RBFOX1: variants seen among roughly 807,000 people sequenced by gnomAD.
RBFOX1 encodes RNA binding fox-1 homolog 1, also known as RNA binding protein fox-1 homolog 1.
RBFOX1 carries 8 observed loss-of-function variants against 57.7 expected under a neutral mutation model. The observed-to-expected ratio is 0.14, with a 90% CI of 0.08 to 0.25. The LOEUF (loss-of-function observed/expected upper bound fraction) is 0.25, where lower values mean the gene tolerates loss of function less well. Ranked by LOEUF, RBFOX1 falls within the 10% of genes least tolerant of loss-of-function variation. The pLI is 1.00. For synonymous variants in RBFOX1, 326 were observed against 222.4 expected (o/e 1.47, Z -4.15); for missense variants, 611 against 548.5 (o/e 1.11, Z -1.14).
intron 3 of RBFOX1, among the ~76,000 whole-genome samples, chr16:5,724,025 C>T (rs1596974207): frequency 3.6e-5 from 2 of 55,052 alleles, no homozygotes; most frequent in African/African-American, 3.3e-4. Flanking sequence ...TGTTAGCAAA[C>T]CATTTGTGTG....
At chr16:6,857,076 C>T (rs1457356587) in intron 3 of RBFOX1, among the ~76,000 whole-genome samples, 2 of 151,580 alleles carry the variant, frequency 1.3e-5, no homozygotes. Context: ...GGTTGTCTTT[C>T]TTATTTGTTG....
chr16:5,769,301 T>A (rs2053896739), intron 3 of RBFOX1, among the ~76,000 whole-genome samples: 1 of 151,900 alleles, frequency 6.6e-6, no homozygotes, highest in Non-Finnish European at 1.5e-5. Context: ...AAAAATCAGG[T>A]CATTAGGGTG....
intron 3 of RBFOX1, among the ~76,000 whole-genome samples, chr16:5,712,730 A>C (rs2051539337): frequency 6.6e-6 from 1 of 152,238 alleles, no homozygotes; most frequent in African/African-American, 2.4e-5. Context: ...AACCCAGTTC[A>C]TCCAGCTGCA....
At chr16:6,538,490 T>C (rs1038615268) in intron 2 of RBFOX1, among the ~76,000 whole-genome samples, 6 of 151,990 alleles carry the variant, frequency 3.9e-5, no homozygotes, top group African/African-American at 1.5e-4. Context: ...AATCTGTATC[T>C]CAAAACAAAA....
chr16:6,208,966 T>G (rs565448813), intron 1 of RBFOX1, among the ~76,000 whole-genome samples: 1 of 152,304 alleles, frequency 6.6e-6, no homozygotes, highest in African/African-American at 2.4e-5. Context: ...ATTTTTTTTT[T>G]GTGACCCAAC....
intron 3 of RBFOX1, among the ~76,000 whole-genome samples, chr16:6,954,960 G>T (rs2081458307): frequency 6.6e-6 from 1 of 151,956 alleles, no homozygotes; most frequent in South Asian, 2.1e-4. Flanking sequence ...GCTGGGTGTG[G>T]TGGCTCGTGC....
chr16:5,571,834 G>C (rs546345856), intron 2 of RBFOX1, among the ~76,000 whole-genome samples: 1 of 152,272 alleles, frequency 6.6e-6, no homozygotes, highest in East Asian at 1.9e-4. Context: ...ATAGTCTTTT[G>C]TCTTTGTCTT....
At chr16:6,501,025 G>A (rs1022432748) in intron 2 of RBFOX1, among the ~76,000 whole-genome samples, 6 of 151,556 alleles carry the variant, frequency 4.0e-5, no homozygotes, top group Non-Finnish European at 8.8e-5. Context: ...ACTTCAGCAG[G>A]GTAGGATGGT....
At chr16:6,824,982 G>GTTTT (rs2091912007) in intron 3 of RBFOX1, among the ~76,000 whole-genome samples, 1 of 38,384 alleles carries the variant, frequency 2.6e-5, no homozygotes, top group Non-Finnish European at 6.5e-5. Context: ...TTTCTTTCTT[G>GTTTT]GTTTTTTTTT....
At chr16:6,194,785 A>G (rs553636956) in intron 1 of RBFOX1, among the ~76,000 whole-genome samples, 2 of 152,146 alleles carry the variant, frequency 1.3e-5, no homozygotes, top group African/African-American at 2.4e-5. Flanking sequence ...TCCATTTTCA[A>G]CTTTACGTTT....
chr16:7,271,325 C>T, intron 4 of RBFOX1, among the ~76,000 whole-genome samples: 1 of 151,834 alleles, frequency 6.6e-6, no homozygotes, highest in East Asian at 1.9e-4. Context: ...GCCTGGGTTG[C>T]AACAACTGGA....
At chr16:6,351,494 C>G in intron 2 of RBFOX1, among the ~76,000 whole-genome samples, 1 of 151,394 alleles carries the variant, frequency 6.6e-6, no homozygotes, top group East Asian at 2.0e-4. Flanking sequence ...TTGCCTCAGC[C>G]TCCCAAGCAG....
intron 4 of RBFOX1, chr16:7,431,243 GAGT>G (rs2098676710): frequency 6.6e-6 from 1 of 152,082 alleles, no homozygotes. Flanking sequence ...TTGTTATTTT[GAGT>G]AGGACTCTCA....
intron 4 of RBFOX1, among the ~76,000 whole-genome samples, chr16:7,253,904 C>G (rs1227754619): frequency 6.6e-6 from 1 of 152,164 alleles, no homozygotes; most frequent in Non-Finnish European, 1.5e-5. Flanking sequence ...TTACCTGAAT[C>G]TGAAGAGTCT....
chr16:6,077,244 C>T (rs1009049703), intron 1 of RBFOX1, among the ~76,000 whole-genome samples: 32 of 152,242 alleles, frequency 2.1e-4, no homozygotes, highest in African/African-American at 7.7e-4. Context: ...GATGGGCAGA[C>T]ACCATGGCAT....
chr16:7,645,119 A>C (rs1399722125), intron 11 of RBFOX1, among the ~76,000 whole-genome samples: 2 of 152,090 alleles, frequency 1.3e-5, no homozygotes, highest in Non-Finnish European at 2.9e-5. Context: ...AAAAATGTGC[A>C]TTTCTCTCCA....
intron 1 of RBFOX1, among the ~76,000 whole-genome samples, chr16:6,041,554 C>T (rs1157425365): frequency 6.6e-6 from 1 of 152,096 alleles, no homozygotes; most frequent in South Asian, 2.1e-4. Flanking sequence ...GATGAGGAAA[C>T]TCCTCATCCG....
intron 4 of RBFOX1, among the ~76,000 whole-genome samples, chr16:7,490,534 C>T (rs751012968): frequency 2.0e-5 from 3 of 152,202 alleles, no homozygotes; most frequent in African/African-American, 7.2e-5. Context: ...CCTTTACTCC[C>T]CATTTTCATC....
chr16:5,879,238 C>T (rs2057699323), intron 4 of RBFOX1, among the ~76,000 whole-genome samples: 1 of 152,204 alleles, frequency 6.6e-6, no homozygotes, highest in Non-Finnish European at 1.5e-5. Context: ...TCCTGAGTTC[C>T]AATGAGCAAA....
Sources: allele counts gnomAD v4.1 joint callset (sites outside exome capture counted in the v4.1 genomes callset), GRCh38; gene constraint gnomAD v4.1.1; transcripts MANE v1.5; gene names NCBI Gene and HGNC (gene_info 2026-07-23, HGNC 2026-07-21).